BMP2K: variants seen among roughly 807,000 people sequenced by gnomAD.
The protein encoded by BMP2K is BMP-2-inducible protein kinase.
In BMP2K, 74 loss-of-function variants were observed where a neutral mutation model predicts 116.0. The observed-to-expected ratio is 0.64, with a 90% confidence interval of 0.53 to 0.77. BMP2K has a LOEUF of 0.77. BMP2K is among the 30% of genes least tolerant of loss of function. The probability of loss-of-function intolerance (pLI) is 0.00; values close to 1 mark genes in which losing one functional copy is unlikely to be tolerated. For synonymous variants in BMP2K, 486 were observed against 502.5 expected (o/e 0.97, Z 0.44); for missense variants, 1,365 against 1,403.6 (o/e 0.97, Z 0.44).
chr4:78,867,182 AAG>A (rs1157647199), intron 10 of BMP2K, among the ~76,000 whole-genome samples: 1 of 152,088 alleles, frequency 6.6e-6, no homozygotes, highest in African/African-American at 2.4e-5. Flanking sequence ...AAAAAAAAAA[AAG>A]AAAAAAAGAA....
intron 1 of BMP2K, among the ~76,000 whole-genome samples, chr4:78,804,290 C>G (rs1728712319): frequency 6.6e-6 from 1 of 152,150 alleles, no homozygotes; most frequent in Non-Finnish European, 1.5e-5. Flanking sequence ...AACATGCATT[C>G]ATTCTTTTTT....
intron 15 of BMP2K, among the ~76,000 whole-genome samples, chr4:78,903,210 A>G (rs2110097809): frequency 6.6e-6 from 1 of 152,120 alleles, no homozygotes; most frequent in Admixed American, 6.6e-5. Context: ...TAAGCACAGA[A>G]TGGGCAAATT....
rs1295831800 is a variant in BMP2K, at chr4:78,911,396, A to G, written c.2849A>G (p.Asn950Ser). The G allele has an allele frequency of 1.9e-6, 3 of 1,614,026 alleles. No individual in the cohort carries two copies. Among genetic ancestry groups the G allele is most frequent in the Non-Finnish European group, 2.5e-6 (3 of 1,179,888 alleles). Reference protein sequence around the residue: ...FLTSTSKSESNEDLFGLVPFD... With the variant: ...FLTSTSKSESSEDLFGLVPFD... ...ACATCAACAAGTAAAAGTGAAAGCAATGAGGACCTTTTTGGGCTTGTGCCC... is the reference window on the plus strand; with the variant it reads ...ACATCAACAAGTAAAAGTGAAAGCAGTGAGGACCTTTTTGGGCTTGTGCCC... Residue 950 changes from asparagine to serine, a missense_variant, in exon 16 of 16, where the codon AAT becomes AGT. Coordinates refer to ENST00000502613, the MANE Select transcript of BMP2K (RefSeq NM_198892.2).
At position 78,909,090 on chromosome 4, in the gene BMP2K, G is replaced by A. The variant is rs1433025972; in HGVS notation, c.2063-1520G>A. On this transcript the variant is annotated intron_variant, in intron 15 of 15. Transcript: ENST00000502613. ...TTTTTTTTTTTTTTTGAGACAGTTC[G>A]CTCTTTGGCCCAGACTGGAGTGCAG... is the stretch of plus-strand genomic sequence containing the variant. Among the ~76,000 whole-genome samples, 5 of 116,592 alleles carry A rather than the reference G, an allele frequency of 4.3e-5. No homozygotes were observed. The East Asian group carries it at 7.3e-4, about 17-fold the overall frequency. The allele number at this position is 116,592 out of a possible 152,430, so 76.5% of individuals were successfully genotyped here. A position where few individuals can be genotyped will look rare whatever the true frequency, so the allele number is the denominator to read the frequency against.
Position 78,826,087 on chromosome 4 carries a change from G to T in BMP2K, c.229G>T (p.Ala77Ser). The part of the protein sequence containing the change: ...LVRTHGGIRC[A>S]LKRMYVNNMP... ...GCGTACTCACGGTGGAATCCGATGTGCATTGAAGCGAATGTATGTCAATAA... is the reference window on the plus strand; with the variant it reads ...GCGTACTCACGGTGGAATCCGATGTTCATTGAAGCGAATGTATGTCAATAA... Residue 77 changes from alanine to serine, a missense_variant, in exon 2 of 16, where the codon GCA (alanine) becomes TCA (serine). Physicochemically the swap from Ala to Ser is moderately conservative, Grantham distance 99. Transcript: ENST00000502613. The T allele has an allele frequency of 6.2e-7, 1 of 1,614,170 alleles. No homozygotes were observed.
At chr4:78,904,760 C>T (rs1377433388) in intron 15 of BMP2K, among the ~76,000 whole-genome samples, 5 of 151,762 alleles carry the variant, frequency 3.3e-5, no homozygotes, top group South Asian at 2.1e-4. Context: ...GTTAAGTAGA[C>T]GTATACCTTC....
chr4:78,867,816 T>C (rs1448458520), intron 10 of BMP2K, among the ~76,000 whole-genome samples: 1 of 152,126 alleles, frequency 6.6e-6, no homozygotes, highest in African/African-American at 2.4e-5. Flanking sequence ...TCCCAACACT[T>C]TGAGAGGCCG....
intron 1 of BMP2K, among the ~76,000 whole-genome samples, chr4:78,825,654 A>G (rs1201933541): frequency 6.6e-6 from 1 of 152,218 alleles, no homozygotes; most frequent in East Asian, 1.9e-4. Context: ...TTGATGTCTC[A>G]TGTTGAATAA....
At position 78,911,942 on chromosome 4, in the gene BMP2K, T is replaced by G. The variant is rs775832274; in HGVS notation, c.3395T>G (p.Val1132Gly). Residue 1132 changes from valine to glycine, a missense_variant, in exon 16 of 16, where the codon GTG becomes GGG. Coordinates refer to ENST00000502613, the MANE Select transcript of BMP2K (RefSeq NM_198892.2). ...GGTGCCGTGCCCTTTACAGAACTTG[T>G]GGTGCAAAGCATCACTCCACATCAG... ...DFGAVPFTEL[V>G]VQSITPHQSQ... 29 of 1,613,896 alleles carry G rather than the reference T, an allele frequency of 1.8e-5. No individual in the cohort carries two copies. In the Admixed American group the frequency reaches 4.5e-4, roughly 25 times the overall value.
chr4:78,825,554 G>C (rs1729828289), intron 1 of BMP2K, among the ~76,000 whole-genome samples: 1 of 152,180 alleles, frequency 6.6e-6, no homozygotes, highest in South Asian at 2.1e-4. Flanking sequence ...ATCAGTTACT[G>C]ATAAGGGGAA....
intron 3 of BMP2K, among the ~76,000 whole-genome samples, chr4:78,837,110 A>G (rs1298294511): frequency 6.6e-6 from 1 of 150,414 alleles, no homozygotes; most frequent in Non-Finnish European, 1.5e-5. Flanking sequence ...TTATTCTTTT[A>G]TTGTTGGAAG....
chr4:78,803,895 GTGCTTCAGTTA>G (rs1728690496), intron 1 of BMP2K, among the ~76,000 whole-genome samples: 1 of 152,060 alleles, frequency 6.6e-6, no homozygotes, highest in Admixed American at 6.6e-5. Context: ...TCTGAGATCT[GTGCTTCAGTTA>G]TATAGAACTA....
intron 1 of BMP2K, among the ~76,000 whole-genome samples, chr4:78,824,950 C>T (rs1040612827): frequency 5.9e-5 from 9 of 152,136 alleles, no homozygotes; most frequent in African/African-American, 1.7e-4. Flanking sequence ...ACCTGTAATC[C>T]CAGCACTTTG....
intron 2 of BMP2K, among the ~76,000 whole-genome samples, chr4:78,831,530 C>G (rs1730203061): frequency 6.6e-6 from 1 of 152,120 alleles, no homozygotes; most frequent in African/African-American, 2.4e-5. Flanking sequence ...CAAAAAAATC[C>G]TACTGTCTGA....
At chr4:78,827,240 T>G (rs2110001082) in intron 2 of BMP2K, among the ~76,000 whole-genome samples, 2 of 152,134 alleles carry the variant, frequency 1.3e-5, no homozygotes, top group Middle Eastern at 6.8e-3. Flanking sequence ...TTATCTTTCT[T>G]TCTTTTTTTT....
intron 14 of BMP2K, 141 bp downstream of exon 14, chr4:78,879,032 T>C (rs1732773181): frequency 2.8e-6 from 4 of 1,445,546 alleles, no homozygotes; most frequent in South Asian, 1.6e-5. Context: ...CATCTTCTTA[T>C]ACATATACTA....
intron 3 of BMP2K, among the ~76,000 whole-genome samples, chr4:78,838,070 G>T (rs1004495679): frequency 4.3e-4 from 65 of 152,330 alleles, no homozygotes; most frequent in Non-Finnish European, 3.1e-4. Context: ...GTTCCATGTG[G>T]CTGGGGAAGC....
chr4:78,878,380 G>A (rs1732733780), intron 13 of BMP2K, among the ~76,000 whole-genome samples: 1 of 152,058 alleles, frequency 6.6e-6, no homozygotes, highest in South Asian at 2.1e-4. Context: ...ACTAGATATT[G>A]TTCTCTTTGC....
chr4:78,849,030 CAG>C (rs1731133381), intron 6 of BMP2K, among the ~76,000 whole-genome samples: 1 of 151,310 alleles, frequency 6.6e-6, no homozygotes, highest in Non-Finnish European at 1.5e-5. Context: ...AGTACTGATT[CAG>C]AGAGTTATGA....
Sources: gnomAD v4.1 joint callset for allele counts (sites outside exome capture counted in the v4.1 genomes callset) on GRCh38, gnomAD v4.1.1 for gene constraint, MANE v1.5 for transcripts, NCBI Gene and HGNC (gene_info 2026-07-23, HGNC 2026-07-21) for gene names.